CRYBG3: variants seen among roughly 807,000 people sequenced by gnomAD.
CRYBG3 encodes the protein crystallin beta-gamma domain containing 3.
Under a neutral mutation model 244.2 loss-of-function variants are expected in CRYBG3, and 127 were observed. The observed-to-expected ratio is 0.52, with a 90% CI of 0.45 to 0.60. The LOEUF is 0.60. Among genes scored for constraint, CRYBG3 ranks in the 20% least tolerant of loss-of-function variants. CRYBG3 has a pLI of 0.00. For missense variants in CRYBG3, 3,325 were observed against 3,442.5 expected (o/e 0.97, Z 0.85); for synonymous variants, 1,132 against 1,195.8 (o/e 0.95, Z 1.10).
intron 17 of CRYBG3, among the ~76,000 whole-genome samples, chr3:97,922,132 G>T (rs1438544868): frequency 1.3e-5 from 2 of 152,160 alleles, no homozygotes; most frequent in Non-Finnish European, 2.9e-5. Context: ...TATAAATCCA[G>T]CCTCAGAATG....
intron 2 of CRYBG3, among the ~76,000 whole-genome samples, chr3:97,849,990 T>G (rs1310993508): frequency 1.3e-5 from 2 of 152,144 alleles, no homozygotes; most frequent in Admixed American, 6.5e-5. Context: ...TATATGTTCC[T>G]TTAGCCCAGC....
At chr3:97,902,986 A>G (rs1262522942) in intron 15 of CRYBG3, among the ~76,000 whole-genome samples, 6 of 152,328 alleles carry the variant, frequency 3.9e-5, no homozygotes, top group Admixed American at 3.9e-4. Context: ...GGTTGTAGTT[A>G]GGCATCATTC....
chr3:97,856,265 C>G (rs2039062668), intron 2 of CRYBG3, among the ~76,000 whole-genome samples: 1 of 152,186 alleles, frequency 6.6e-6, no homozygotes, highest in Non-Finnish European at 1.5e-5. Flanking sequence ...AAGTTTATCT[C>G]TCTTATTGCC....
At chr3:97,903,825 G>A (rs2039732508) in intron 15 of CRYBG3, among the ~76,000 whole-genome samples, 1 of 152,072 alleles carries the variant, frequency 6.6e-6, no homozygotes, top group African/African-American at 2.4e-5. Flanking sequence ...CTCAATACTG[G>A]TAGTTCTAAG....
At chr3:97,932,801 T>G (rs1368844242) in intron 17 of CRYBG3, among the ~76,000 whole-genome samples, 2 of 151,960 alleles carry the variant, frequency 1.3e-5, no homozygotes, top group Non-Finnish European at 2.9e-5. Context: ...TGTGTTTCTC[T>G]TGTCTTGCTT....
chr3:97,919,464 G>T (rs1437164801), intron 17 of CRYBG3, among the ~76,000 whole-genome samples: 1 of 152,090 alleles, frequency 6.6e-6, no homozygotes, highest in Non-Finnish European at 1.5e-5. Context: ...AAAATTACAT[G>T]ACTAATAATA....
chr3:97,922,266 A>G (rs1035964998), intron 17 of CRYBG3, among the ~76,000 whole-genome samples: 3 of 152,212 alleles, frequency 2.0e-5, no homozygotes, highest in African/African-American at 7.2e-5. Flanking sequence ...ACCATTCAGG[A>G]CATAGGCATG....
chr3:97,943,667 T>C lies in CRYBG3; in HGVS notation c.*353T>C. ...TTATTGGACACTGGTGATGCTATTA[T>C]CCTGTATTATTTATTAATATCCTAC... On this transcript the variant is annotated 3_prime_UTR_variant, in exon 22 of 22. Transcript: ENST00000389622. The C allele has an allele frequency of 1.3e-5, 3 of 224,028 alleles. No individual in the cohort carries two copies. Among genetic ancestry groups the C allele is most frequent in the Non-Finnish European group, 2.6e-5 (3 of 116,926 alleles). The allele number at this position is 224,028 out of a possible 1,614,324, so 13.9% of individuals were successfully genotyped here. A position where few individuals can be genotyped will look rare whatever the true frequency, so the allele number is the denominator to read the frequency against.
intron 15 of CRYBG3, among the ~76,000 whole-genome samples, chr3:97,909,074 C>T (rs148287971): frequency 0.24 from 36,638 of 151,986 alleles, 4,744 homozygotes; most frequent in Middle Eastern, 0.33. Flanking sequence ...TGAATATTGG[C>T]CCCCACTCCC....
intron 2 of CRYBG3, among the ~76,000 whole-genome samples, chr3:97,859,905 T>A (rs1005930508): frequency 1.2e-4 from 19 of 152,188 alleles, no homozygotes; most frequent in Admixed American, 1.2e-3. Context: ...TCTCTTCATA[T>A]CATCACCTCC....
chr3:97,863,243 A>G (rs187076076), intron 2 of CRYBG3, among the ~76,000 whole-genome samples: 16 of 152,208 alleles, frequency 1.1e-4, no homozygotes, highest in African/African-American at 3.4e-4. Flanking sequence ...TCTTTTTACA[A>G]TTACGTAAGT....
chr3:97,822,390 G>T, intron 1 of CRYBG3, 35 bp downstream of exon 1: 1 of 1,434,754 alleles, frequency 7.0e-7, no homozygotes, highest in South Asian at 1.4e-5. Flanking sequence ...GGGGGGCCCT[G>T]CACATATTCG....
At chr3:97,841,190 G>A (rs2038807556) in intron 1 of CRYBG3, among the ~76,000 whole-genome samples, 1 of 141,032 alleles carries the variant, frequency 7.1e-6, no homozygotes, top group African/African-American at 2.8e-5. Context: ...GCTCATATAT[G>A]TGTGTATATA....
In CRYBG3 at chr3:97,876,742, C is replaced by T. The variant is rs1200586361; in HGVS notation, c.5548C>T (p.Pro1850Ser). The T allele has an allele frequency of 8.0e-7, 1 of 1,254,462 alleles. No homozygotes were observed. The highest frequency in any genetic ancestry group is 3.9e-5 in the Admixed American group (1 of 25,878). The allele number at this position is 1,254,462 out of a possible 1,614,324, so 77.7% of individuals were successfully genotyped here. Residue 1850 changes from proline (P) to serine (S), a missense_variant, in exon 4 of 22, where the codon CCA becomes TCA. By Grantham distance (74) the Pro-to-Ser change is moderately conservative. Coordinates refer to ENST00000389622, the MANE Select transcript of CRYBG3 (RefSeq NM_153605.4). ...TGTGATAGAAATGGAAAAAATATCCCCAGAAGATCGTGGTGAGAATATTGG... is the reference window on the plus strand; with the variant it reads ...TGTGATAGAAATGGAAAAAATATCCTCAGAAGATCGTGGTGAGAATATTGG... ...PSVIEMEKISPEDRGENIGKH... is the reference protein window; with the variant it reads ...PSVIEMEKISSEDRGENIGKH...
Position 97,886,629 on chromosome 3 carries a change from A to T in CRYBG3, c.7153-2A>T. The T allele has an allele frequency of 6.3e-7, 1 of 1,583,794 alleles. No individual in the cohort carries two copies. Among genetic ancestry groups the T allele is most frequent in the Non-Finnish European group, 8.5e-7 (1 of 1,170,806 alleles). ...CAAAGCCAAATTATTTTTTTTTTTC[A>T]GGACTGCAGCATTCCAGAAATAGAG... On this transcript the variant is annotated splice_acceptor_variant, in intron 7 of 21. Transcript: ENST00000389622. LOFTEE classifies it high-confidence loss of function.
intron 15 of CRYBG3, among the ~76,000 whole-genome samples, chr3:97,904,106 C>T (rs2039736491): frequency 6.6e-6 from 1 of 152,126 alleles, no homozygotes; most frequent in South Asian, 2.1e-4. Flanking sequence ...TGAATTTCTC[C>T]AAGGCTCTGT....
chr3:97,852,721 A>C (rs745537032), intron 2 of CRYBG3, among the ~76,000 whole-genome samples: 1 of 152,076 alleles, frequency 6.6e-6, no homozygotes, highest in Non-Finnish European at 1.5e-5. Context: ...ATCCCATAGT[A>C]GTTTATTTTT....
Position 97,822,093 on chromosome 3 carries a change from C to G in CRYBG3, c.-114C>G. 1.2e-6 allele frequency: 1 copy of G among 851,174 alleles called. No homozygotes were observed. The highest frequency in any genetic ancestry group is 1.6e-6 in the Non-Finnish European group (1 of 625,282). 52.7% of individuals were successfully genotyped at this position (851,174 alleles called of 1,614,324 possible). On this transcript the variant is annotated 5_prime_UTR_variant, in exon 1 of 22. Transcript: ENST00000389622. ...GAGACTGAGCCGCGCTGGCAGCTCGCGTCGAGTCGGTCTGCCCTAGCCGCA... is the reference window on the plus strand; with the variant it reads ...GAGACTGAGCCGCGCTGGCAGCTCGGGTCGAGTCGGTCTGCCCTAGCCGCA...
In CRYBG3 at chr3:97,871,937, T is replaced by C. The variant is rs1292373689; in HGVS notation, c.743T>C (p.Leu248Ser). 1 of 1,535,734 alleles carries C rather than the reference T, an allele frequency of 6.5e-7. No individual in the cohort carries two copies. The highest frequency in any genetic ancestry group is 8.7e-7 in the Non-Finnish European group (1 of 1,146,718). Residue 248 changes from leucine to serine, a missense_variant, in exon 4 of 22, where the codon TTG becomes TCG. By Grantham distance (145) the Leu-to-Ser change is moderately radical (BLOSUM62 -2). Transcript: ENST00000389622. ...IGKYLKQQTG[L>S]ATVNTLDREN... ...AAATATTTAAAGCAACAGACAGGCT[T>C]GGCAACTGTGAATACCTTGGACAGA... is the stretch of plus-strand genomic sequence containing the variant.
Sources: allele counts gnomAD v4.1 joint callset (sites outside exome capture counted in the v4.1 genomes callset), GRCh38; gene constraint gnomAD v4.1.1; transcripts MANE v1.5; gene names NCBI Gene and HGNC (gene_info 2026-07-23, HGNC 2026-07-21).